Variants in FRMD4A observed in about 807,000 individuals in gnomAD.
FRMD4A encodes the protein FERM domain-containing protein 4A.
FRMD4A carries 29 observed loss-of-function variants against 129.1 expected under a neutral mutation model. The ratio of observed to expected loss-of-function variants is 0.22; its 90% CI spans 0.17 to 0.31. The LOEUF (loss-of-function observed/expected upper bound fraction) is 0.31. FRMD4A is among the 10% of genes least tolerant of loss of function. The probability of loss-of-function intolerance (pLI) is 1.00; values close to 1 mark genes in which losing one functional copy is unlikely to be tolerated. For synonymous variants in FRMD4A, 634 were observed against 571.6 expected, an observed-to-expected ratio of 1.11 and a Z score of -1.56; for missense variants, 1,272 against 1,375.8, an observed-to-expected ratio of 0.92 and a Z score of 1.19.
chr10:13,848,003 G>A (rs548768934), intron 3 of FRMD4A, among the ~76,000 whole-genome samples: 10 of 152,306 alleles, frequency 6.6e-5, no homozygotes, highest in Admixed American at 2.6e-4. Context: ...CTACATAGAG[G>A]TGTGTGCACA....
At chr10:13,714,031 T>TATAAAATATAC (rs1554858931) in intron 12 of FRMD4A, among the ~76,000 whole-genome samples, 3 of 30,608 alleles carry the variant, frequency 9.8e-5, no homozygotes, top group South Asian at 7.6e-4. Flanking sequence ...AATATACATA[T>TATAAAATATAC]ATATATATAT....
chr10:13,681,038 T>C (rs1453694297), intron 15 of FRMD4A, among the ~76,000 whole-genome samples: 1 of 152,178 alleles, frequency 6.6e-6, no homozygotes, highest in Non-Finnish European at 1.5e-5. Flanking sequence ...AATTGACCCA[T>C]CTCTAAGATT....
intron 2 of FRMD4A, among the ~76,000 whole-genome samples, chr10:13,930,987 C>G (rs541612269): frequency 6.6e-6 from 1 of 152,194 alleles, no homozygotes; most frequent in East Asian, 1.9e-4. Flanking sequence ...TGCACACCAC[C>G]GTACCTAGCT....
intron 2 of FRMD4A, among the ~76,000 whole-genome samples, chr10:14,132,331 A>G (rs916925798): frequency 3.9e-5 from 6 of 152,014 alleles, no homozygotes; most frequent in Admixed American, 3.3e-4. Flanking sequence ...TAAACATCCA[A>G]TCGTGGGAGC....
chr10:13,662,319 G>C (rs2082695654), intron 19 of FRMD4A, among the ~76,000 whole-genome samples: 1 of 152,118 alleles, frequency 6.6e-6, no homozygotes, highest in Non-Finnish European at 1.5e-5. Context: ...TAATCCGCCA[G>C]ACTTTCCTCA....
At chr10:14,039,359 T>TGTCCATCC (rs201613957) in intron 2 of FRMD4A, among the ~76,000 whole-genome samples, 3 of 128,260 alleles carry the variant, frequency 2.3e-5, no homozygotes, top group Admixed American at 8.5e-5. Context: ...CTTTCTGATC[T>TGTCCATCC]GTCCGTCCGT....
intron 2 of FRMD4A, among the ~76,000 whole-genome samples, chr10:14,247,226 G>A (rs1029261075): frequency 2.0e-5 from 3 of 152,008 alleles, no homozygotes; most frequent in Non-Finnish European, 4.4e-5. Context: ...GAGTCACCCC[G>A]CTTCCATCCT....
Position 14,091,345 on chromosome 10 carries a change from G to T in FRMD4A, c.46-232433C>A, listed in dbSNP as rs1998918. Among the ~76,000 whole-genome samples the T allele has an allele frequency of 9.2e-3, 1,403 of 152,096 alleles. 28 individuals carry two copies. Among genetic ancestry groups the T allele is most frequent in the African/African-American group, 0.032 (1,333 of 41,492 alleles). The stretch of plus-strand genomic sequence containing the variant: ...CTCAAATTTGGAGAAAATAGCTGCA[G>T]GAAAAAATTGCGCTGTGTGTATAAA... On this transcript the variant is annotated intron_variant, in intron 2 of 24. Coordinates refer to ENST00000357447, the MANE Select transcript of FRMD4A (RefSeq NM_018027.5).
chr10:13,825,095 A>G (rs1236792594), intron 3 of FRMD4A, among the ~76,000 whole-genome samples: 1 of 152,124 alleles, frequency 6.6e-6, no homozygotes, highest in Non-Finnish European at 1.5e-5. Flanking sequence ...TGTCCTATAC[A>G]TACATACCTA....
intron 2 of FRMD4A, among the ~76,000 whole-genome samples, chr10:13,937,576 C>T (rs565865287): frequency 6.6e-6 from 1 of 152,230 alleles, no homozygotes; most frequent in Admixed American, 6.5e-5. Flanking sequence ...ACTCAGGCTG[C>T]GTTTTGGTTA....
intron 2 of FRMD4A, among the ~76,000 whole-genome samples, chr10:13,867,416 A>C (rs11258679): frequency 0.29 from 43,762 of 150,674 alleles, 6,474 homozygotes; most frequent in Admixed American, 0.32. Flanking sequence ...GCAAATCTCC[A>C]CACAGGGTTA....
At chr10:13,954,754 C>A (rs1241323605) in intron 2 of FRMD4A, among the ~76,000 whole-genome samples, 1 of 152,196 alleles carries the variant, frequency 6.6e-6, no homozygotes, top group Non-Finnish European at 1.5e-5. Flanking sequence ...GCCAAGGCAG[C>A]ACCTGCAGTT....
chr10:13,659,613 T>C, intron 20 of FRMD4A, 123 bp from the exon 21 acceptor site: 1 of 944,242 alleles, frequency 1.1e-6, no homozygotes, highest in Non-Finnish European at 1.6e-6. Context: ...CCCACCTCGC[T>C]TGGTCAGACC....
chr10:14,231,512 T>A (rs1014877369), intron 2 of FRMD4A, among the ~76,000 whole-genome samples: 1 of 152,192 alleles, frequency 6.6e-6, no homozygotes, highest in Non-Finnish European at 1.5e-5. Context: ...CCGGCTAATT[T>A]TTGTTGTGTG....
At chr10:14,245,616 G>A (rs1219215011) in intron 2 of FRMD4A, among the ~76,000 whole-genome samples, 1 of 152,090 alleles carries the variant, frequency 6.6e-6, no homozygotes, top group Non-Finnish European at 1.5e-5. Flanking sequence ...TAAGTTAAAG[G>A]AGGTAATTAG....
intron 2 of FRMD4A, among the ~76,000 whole-genome samples, chr10:14,036,301 A>C (rs1166752503): frequency 2.0e-5 from 3 of 152,184 alleles, no homozygotes; most frequent in Non-Finnish European, 2.9e-5. Context: ...GTTTCGCCCC[A>C]TCATTAGTTC....
At chr10:14,172,491 A>G (rs1172198432) in intron 2 of FRMD4A, among the ~76,000 whole-genome samples, 1 of 152,190 alleles carries the variant, frequency 6.6e-6, no homozygotes, top group East Asian at 1.9e-4. Context: ...GATTATTTGC[A>G]TAGGAAACTC....
chr10:13,653,063 T>C (rs2081799113), intron 23 of FRMD4A: 1 of 152,288 alleles, frequency 6.6e-6, no homozygotes, highest in African/African-American at 2.4e-5. Context: ...ATCTGGGTAT[T>C]TCCCCCGCAA....
At chr10:14,113,274 A>T (rs1382853871) in intron 2 of FRMD4A, among the ~76,000 whole-genome samples, 3 of 152,168 alleles carry the variant, frequency 2.0e-5, no homozygotes, top group Non-Finnish European at 4.4e-5. Flanking sequence ...GCCATTTCTG[A>T]GACAGCAAAA....
Sources: allele counts gnomAD v4.1 joint callset (sites outside exome capture counted in the v4.1 genomes callset), GRCh38; gene constraint gnomAD v4.1.1; transcripts MANE v1.5; gene names NCBI Gene and HGNC (gene_info 2026-07-23, HGNC 2026-07-21).